Variants in BMAL2 observed in about 807,000 individuals in gnomAD.
BMAL2 encodes basic helix-loop-helix ARNT-like protein 2.
the BMAL2 span, chr12:27,401,657 T>C: frequency 1.9e-6 from 3 of 1,592,404 alleles, no homozygotes; most frequent in African/African-American, 2.7e-5. Flanking sequence ...ATATTGTATC[T>C]GTCAACACTT....
chr12:27,418,332 G>A, the BMAL2 span: 11 of 566,094 alleles, frequency 1.9e-5, no homozygotes, highest in Non-Finnish European at 3.1e-5. Context: ...TGAGCACATT[G>A]GCTCACACCT....
chr12:27,370,047 A>G, the BMAL2 span: 11 of 983,920 alleles, frequency 1.1e-5, no homozygotes, highest in African/African-American at 6.4e-5. Flanking sequence ...ACAGTAGGCT[A>G]CTTTCTCCAC....
the BMAL2 span, among the ~76,000 whole-genome samples, chr12:27,397,455 G>T: frequency 2.0e-5 from 3 of 152,244 alleles, no homozygotes; most frequent in Non-Finnish European, 4.4e-5. Flanking sequence ...ACCATGACAT[G>T]TCAGTTACAT....
At chr12:27,343,854 A>G in the BMAL2 span, among the ~76,000 whole-genome samples, 1 of 152,188 alleles carries the variant, frequency 6.6e-6, no homozygotes, top group Non-Finnish European at 1.5e-5. Context: ...CTCTGATTAC[A>G]TTCTGCATCA....
chr12:27,342,994 T>C, the BMAL2 span, among the ~76,000 whole-genome samples: 1 of 152,230 alleles, frequency 6.6e-6, no homozygotes, highest in Non-Finnish European at 1.5e-5. Flanking sequence ...GGATGTTCAA[T>C]TCGCACCTCA....
At chr12:27,424,513 GTTTA>G in the BMAL2 span, 3 of 152,202 alleles carry the variant, frequency 2.0e-5, no homozygotes, top group Non-Finnish European at 4.4e-5. Flanking sequence ...AAAAGAAAGT[GTTTA>G]TTTACAGTGT....
the BMAL2 span, among the ~76,000 whole-genome samples, chr12:27,383,906 T>C: frequency 6.6e-6 from 1 of 152,196 alleles, no homozygotes; most frequent in African/African-American, 2.4e-5. Context: ...TGAGGCATTT[T>C]GTCTTTCTGC....
the BMAL2 span, chr12:27,368,319 G>T: frequency 6.2e-7 from 1 of 1,614,172 alleles, no homozygotes; most frequent in South Asian, 1.1e-5. Flanking sequence ...AGCCGCGTGA[G>T]TCCAGGGACA....
the BMAL2 span, among the ~76,000 whole-genome samples, chr12:27,359,641 C>T: frequency 0.13 from 19,284 of 151,754 alleles, 1,407 homozygotes; most frequent in Non-Finnish European, 0.17. Flanking sequence ...ATGATTGCAC[C>T]GCTGCACTCC....
chr12:27,423,449 C>T, the BMAL2 span: 1 of 151,562 alleles, frequency 6.6e-6, no homozygotes, highest in Non-Finnish European at 1.5e-5. Flanking sequence ...GCCTCAGCCT[C>T]CAGAGCAGCT....
the BMAL2 span, chr12:27,394,647 T>G: frequency 2.0e-5 from 3 of 152,372 alleles, no homozygotes; most frequent in African/African-American, 7.2e-5. Context: ...TTCAACATTT[T>G]TTTTAGATTT....
the BMAL2 span, among the ~76,000 whole-genome samples, chr12:27,367,814 A>ATG: frequency 0.039 from 2,774 of 70,688 alleles, 86 homozygotes; most frequent in African/African-American, 0.1. Context: ...TATAGATATA[A>ATG]TGTGTGTGTG....
chr12:27,420,219 A>G, the BMAL2 span, among the ~76,000 whole-genome samples: 1 of 152,218 alleles, frequency 6.6e-6, no homozygotes, highest in Non-Finnish European at 1.5e-5. Flanking sequence ...ACCCATTTAA[A>G]AATACATCAG....
the BMAL2 span, among the ~76,000 whole-genome samples, chr12:27,407,506 T>A: frequency 6.6e-6 from 1 of 151,956 alleles, no homozygotes; most frequent in African/African-American, 2.4e-5. Flanking sequence ...GGGTACATAA[T>A]GAAATGAAGG....
chr12:27,352,439 G>T, the BMAL2 span, among the ~76,000 whole-genome samples: 3 of 152,164 alleles, frequency 2.0e-5, no homozygotes, highest in African/African-American at 4.8e-5. Flanking sequence ...GCCATCTATG[G>T]CAGACCCTCA....
chr12:27,421,916 T>G, the BMAL2 span: 2 of 152,200 alleles, frequency 1.3e-5, no homozygotes, highest in African/African-American at 4.8e-5. Context: ...TGTAGCTTTC[T>G]AAGTAATTAG....
chr12:27,393,763 C>T, the BMAL2 span, among the ~76,000 whole-genome samples: 73 of 152,278 alleles, frequency 4.8e-4, 1 homozygote, highest in African/African-American at 1.6e-3. Flanking sequence ...GCAAAGGACA[C>T]ACTGGGGAGC....
the BMAL2 span, among the ~76,000 whole-genome samples, chr12:27,358,190 C>T: frequency 6.6e-6 from 1 of 151,246 alleles, no homozygotes; most frequent in Non-Finnish European, 1.5e-5. Flanking sequence ...CAAGGAACTC[C>T]AACAAATTAG....
the BMAL2 span, chr12:27,424,197 G>A: frequency 6.6e-6 from 1 of 152,130 alleles, no homozygotes; most frequent in Non-Finnish European, 1.5e-5. Flanking sequence ...ATTATATTAA[G>A]TGGTTATTAT....
Sources: gnomAD v4.1 joint callset for allele counts (sites outside exome capture counted in the v4.1 genomes callset) on GRCh38, gnomAD v4.1.1 for gene constraint, MANE v1.5 for transcripts, NCBI Gene and HGNC (gene_info 2026-07-23, HGNC 2026-07-21) for gene names.